P4HA1: variants seen among roughly 807,000 people sequenced by gnomAD.
P4HA1 encodes prolyl 4-hydroxylase subunit alpha-1.
A neutral mutation model predicts 72.8 loss-of-function variants in P4HA1; 24 were observed. That is an observed-to-expected ratio of 0.33 (90% CI 0.24 to 0.46). P4HA1 has a LOEUF of 0.46. Ranked by LOEUF, P4HA1 falls within the 20% of genes least tolerant of loss-of-function variation. P4HA1 has a pLI of 1.00. For synonymous variants in P4HA1, 201 were observed against 218.8 expected (o/e 0.92, Z 0.72); for missense variants, 446 against 640.6 (o/e 0.70, Z 3.28).
chr10:73,078,081 A>C (rs1057201032), intron 1 of P4HA1, among the ~76,000 whole-genome samples: 4 of 151,532 alleles, frequency 2.6e-5, no homozygotes, highest in Non-Finnish European at 5.9e-5. Context: ...AAAAAAAAAA[A>C]AAAAAACCTT....
chr10:73,029,737 T>C (rs796266451), intron 10 of P4HA1, among the ~76,000 whole-genome samples: 22 of 152,172 alleles, frequency 1.4e-4, no homozygotes, highest in African/African-American at 5.1e-4. Flanking sequence ...ACCTGTTTAC[T>C]ACAGATATTT....
chr10:73,032,901 T>TAGATTAATCTA lies in P4HA1; in HGVS notation c.1149-2532_1149-2531insTAGATTAATCT, dbSNP rs1564623599. Among the ~76,000 whole-genome samples, 4 of 152,172 alleles carry TAGATTAATCTA rather than the reference T, an allele frequency of 2.6e-5. No individual in the cohort carries two copies. The South Asian group carries it at 8.3e-4, about 32-fold the overall frequency. ...TAACATGACAAACAGGGTGGATTCT[T>TAGATTAATCTA]AGATTTATCCTATATTACTAAAATT... On this transcript the variant is annotated intron_variant, in intron 9 of 14. Coordinates refer to ENST00000394890, the MANE Select transcript of P4HA1 (RefSeq NM_001017962.3).
intron 10 of P4HA1, among the ~76,000 whole-genome samples, chr10:73,022,914 A>G (rs1170592043): frequency 6.6e-6 from 1 of 152,250 alleles, no homozygotes; most frequent in Non-Finnish European, 1.5e-5. Flanking sequence ...GATGGAATTA[A>G]TGAAATAAAG....
At chr10:73,049,652 A>G (rs1840966280) in intron 7 of P4HA1, among the ~76,000 whole-genome samples, 1 of 152,216 alleles carries the variant, frequency 6.6e-6, no homozygotes, top group African/African-American at 2.4e-5. Context: ...ATAAATACAT[A>G]TACAATAAAC....
chr10:73,014,508 A>G (rs765704789), intron 11 of P4HA1, among the ~76,000 whole-genome samples: 2 of 152,132 alleles, frequency 1.3e-5, no homozygotes, highest in African/African-American at 2.4e-5. Flanking sequence ...CCTGGCCTCA[A>G]GCGATCCTCC....
intron 1 of P4HA1, chr10:73,082,549 C>G (rs1239970140): frequency 6.6e-6 from 1 of 152,156 alleles, no homozygotes; most frequent in Non-Finnish European, 1.5e-5. Flanking sequence ...AAACCTGTAA[C>G]TCATTGTGAT....
chr10:73,053,931 T>C (rs537691360), intron 5 of P4HA1, among the ~76,000 whole-genome samples: 143 of 151,386 alleles, frequency 9.4e-4, no homozygotes, highest in Non-Finnish European at 1.7e-3. Flanking sequence ...TTTTTTTTTC[T>C]TTTGAGACAG....
chr10:73,030,223 G>T, intron 10 of P4HA1, 48 bp downstream of exon 10: 2 of 893,598 alleles, frequency 2.2e-6, no homozygotes, highest in East Asian at 2.6e-5. Flanking sequence ...CTCCTCTCAA[G>T]CATCTCCTGA....
At chr10:73,039,338 GCT>G (rs1231510903) in intron 9 of P4HA1, among the ~76,000 whole-genome samples, 1 of 151,382 alleles carries the variant, frequency 6.6e-6, no homozygotes, top group Non-Finnish European at 1.5e-5. Flanking sequence ...TTTGAGTCTC[GCT>G]CTGTTGCCCA....
At chr10:73,057,257 G>A (rs1017878795) in intron 5 of P4HA1, among the ~76,000 whole-genome samples, 11 of 152,106 alleles carry the variant, frequency 7.2e-5, no homozygotes, top group Middle Eastern at 6.8e-3. Flanking sequence ...TTGGGAGGCC[G>A]AAGCAGGCAG....
At chr10:73,028,277 G>A (rs1375566994) in intron 10 of P4HA1, among the ~76,000 whole-genome samples, 2 of 150,386 alleles carry the variant, frequency 1.3e-5, no homozygotes, top group African/African-American at 2.5e-5. Context: ...CAAAGACGGA[G>A]TAGGATGGCA....
chr10:73,064,505 A>G (rs1302022697), intron 5 of P4HA1, among the ~76,000 whole-genome samples: 3 of 151,568 alleles, frequency 2.0e-5, no homozygotes, highest in Non-Finnish European at 4.4e-5. Flanking sequence ...TAAAGAAAAT[A>G]AACTATAATA....
At chr10:73,096,563 G>A (rs1382272548) in intron 1 of P4HA1, among the ~76,000 whole-genome samples, 1 of 152,228 alleles carries the variant, frequency 6.6e-6, no homozygotes, top group Non-Finnish European at 1.5e-5. Flanking sequence ...GGGGCACGAA[G>A]GAGCGCGGGC....
chr10:73,049,894 T>G (rs963899887), intron 7 of P4HA1, among the ~76,000 whole-genome samples: 1 of 152,210 alleles, frequency 6.6e-6, no homozygotes, highest in Non-Finnish European at 1.5e-5. Flanking sequence ...ATGAGTGTGG[T>G]GGCTGACGCC....
At chr10:73,052,880 C>T (rs1841051865) in intron 6 of P4HA1, among the ~76,000 whole-genome samples, 1 of 152,078 alleles carries the variant, frequency 6.6e-6, no homozygotes, top group Admixed American at 6.6e-5. Context: ...GTGCTTGGGC[C>T]ATACTTGAAG....
At chr10:73,089,230 C>T (rs1223958828) in intron 1 of P4HA1, among the ~76,000 whole-genome samples, 1 of 152,102 alleles carries the variant, frequency 6.6e-6, no homozygotes, top group South Asian at 2.1e-4. Flanking sequence ...GAATTTTTCA[C>T]TTTAGTTTCT....
chr10:73,060,721 C>G (rs567949738), intron 5 of P4HA1, among the ~76,000 whole-genome samples: 158 of 151,588 alleles, frequency 1.0e-3, no homozygotes, highest in African/African-American at 3.7e-3. Context: ...ACAGTCAATT[C>G]AAAAAAACAA....
chr10:73,047,154 A>G lies in P4HA1; in HGVS notation c.901-53T>C, dbSNP rs1840884993. On this transcript the variant is annotated intron_variant, in intron 7 of 14. Transcript: ENST00000394890. ...ATATATTACAGTAATAATACTTTTA[A>G]TATCTATTCCTATGCAGATAAGAGA... 4.1e-6 allele frequency: 5 copies of G among 1,225,988 alleles called. No homozygotes were observed. In the Admixed American group the frequency reaches 7.3e-5, roughly 18 times the overall value. 75.9% of individuals were successfully genotyped at this position (1,225,988 alleles called of 1,614,324 possible).
rs375936857 is a variant in P4HA1 at position 73,011,011 on chromosome 10, G to C, written c.1395C>G (p.Ala465=). The change falls in exon 13 of 15, where the codon GCC becomes GCG. Residue 465 remains alanine (A), a synonymous_variant. Transcript: ENST00000394890. Reference sequence around the variant, plus strand: ...TAGCTCCAACTTCAGGAAAAACAGTGGCTCCTCCTGCAGACACATCACTCA... The same window carrying C: ...TAGCTCCAACTTCAGGAAAAACAGTCGCTCCTCCTGCAGACACATCACTCA... The part of the protein sequence containing the change: ...FYMSDVSAGG[A]TVFPEVGASV... The C allele has an allele frequency of 6.2e-7, 1 of 1,613,482 alleles. No homozygotes were observed. The highest frequency in any genetic ancestry group is 8.5e-7 in the Non-Finnish European group (1 of 1,179,662).
Sources: allele counts gnomAD v4.1 joint callset (sites outside exome capture counted in the v4.1 genomes callset), GRCh38; gene constraint gnomAD v4.1.1; transcripts MANE v1.5; gene names NCBI Gene and HGNC (gene_info 2026-07-23, HGNC 2026-07-21).